The following ADGRV1 variants were observed in gnomAD, a reference collection of about 807,000 sequenced individuals.
ADGRV1 encodes the protein adhesion G protein-coupled receptor V1.
A neutral mutation model predicts 596.2 loss-of-function variants in ADGRV1; 359 were observed. The ratio of observed to expected loss-of-function variants is 0.60; its 90% CI spans 0.55 to 0.66. The LOEUF (loss-of-function observed/expected upper bound fraction) is 0.66, where lower values mean the gene tolerates loss of function less well. ADGRV1 is among the 30% of genes least tolerant of loss of function. ADGRV1 has a pLI of 0.00. For missense variants in ADGRV1, 7,274 were observed against 7,575.6 expected (o/e 0.96, Z 1.48); for synonymous variants, 2,681 against 2,679.2 (o/e 1.00, Z -0.02).
rs146531767 is a variant in ADGRV1, at chr5:90,742,911, A to G, written c.10550-2135A>G. On this transcript the variant is annotated intron_variant, in intron 50 of 89. Coordinates refer to ENST00000405460, the MANE Select transcript of ADGRV1 (RefSeq NM_032119.4). ...CTGGTGGGTGAATGGTAGTACTGTAACTTTTGTGGTGGTGATTGCTTGGGA... is the reference window on the plus strand; with the variant it reads ...CTGGTGGGTGAATGGTAGTACTGTAGCTTTTGTGGTGGTGATTGCTTGGGA... Among the ~76,000 whole-genome samples the G allele has an allele frequency of 6.6e-3, 1,009 of 152,232 alleles. 37 individuals are homozygous for G. The highest frequency in any genetic ancestry group is 0.049 in the Admixed American group (752 of 15,282).
chr5:90,614,699 T>G (rs986615583), intron 1 of ADGRV1, 136 bp from the exon 2 acceptor site: 2 of 729,378 alleles, frequency 2.7e-6, no homozygotes, highest in Admixed American at 4.0e-5. Context: ...GTTTGATGGC[T>G]TAATAGTAGA....
intron 83 of ADGRV1, among the ~76,000 whole-genome samples, chr5:90,910,855 T>A (rs1231866170): frequency 6.6e-6 from 1 of 152,140 alleles, no homozygotes; most frequent in South Asian, 2.1e-4. Context: ...TGTTGCTTCT[T>A]ACCAATGTGA....
At chr5:90,978,431 G>A (rs1413200751) in intron 84 of ADGRV1, among the ~76,000 whole-genome samples, 5 of 151,932 alleles carry the variant, frequency 3.3e-5, no homozygotes, top group East Asian at 1.9e-4. Context: ...TTAAAATTAT[G>A]GAGTCTTCTA....
rs1344017155 is a variant in ADGRV1 at position 90,643,891 on chromosome 5, T to C, written c.2642T>C (p.Leu881Pro). The C allele has an allele frequency of 6.2e-7, 1 of 1,611,956 alleles. No homozygotes were observed. The highest frequency in any genetic ancestry group is 1.7e-5 in the Admixed American group (1 of 59,778). ...GCCACCATTGTCAATATAACGATTC[T>C]GAAAAATGATGATCCTCATGGCATT... ...GSATIVNITI[L>P]KNDDPHGIIE... Residue 881 changes from leucine (L) to proline (P), a missense_variant, in exon 14 of 90, where the codon CTG (leucine) becomes CCG (proline). Leu to Pro is a moderately conservative substitution (Grantham distance 98). This residue lies in a region of ADGRV1 where 1,715 missense variants were observed against 1,708.8 expected (regional missense o/e 1.00). Transcript: ENST00000405460.
chr5:90,705,690 A>G, intron 37 of ADGRV1, 111 bp downstream of exon 37: 1 of 792,288 alleles, frequency 1.3e-6, no homozygotes, highest in Non-Finnish European at 2.0e-6. Context: ...GAAAATTAAT[A>G]TTTCTTCATT....
Position 91,150,004 on chromosome 5 carries a change from CTTTTCT to C in ADGRV1, c.18433-21_18433-16del. ...CTGATGTTCTTTTTCTTTTTCTTTT[CTTTTCT>C]TTTTTTTTTTTTTTTGCAGGGACTT... On this transcript the variant is annotated intron_variant, in intron 87 of 89. Transcript: ENST00000405460. The C allele has an allele frequency of 7.2e-7, 1 of 1,393,002 alleles. No homozygotes were observed. Among genetic ancestry groups the C allele is most frequent in the South Asian group, 1.4e-5 (1 of 69,728 alleles). 86.3% of individuals were successfully genotyped at this position (1,393,002 alleles called of 1,614,324 possible).
chr5:90,756,958 A>C, intron 56 of ADGRV1, 21 bp from the exon 57 acceptor site: 2 of 1,535,024 alleles, frequency 1.3e-6, no homozygotes, highest in Non-Finnish European at 1.8e-6. Flanking sequence ...CTTGCCTTTC[A>C]ATTATATTCT....
At position 90,712,293 on chromosome 5, in the gene ADGRV1, C is replaced by A; in HGVS notation, c.9049C>A (p.His3017Asn). The A allele has an allele frequency of 6.5e-7, 1 of 1,528,750 alleles. No homozygotes were observed. Among genetic ancestry groups the A allele is most frequent in the South Asian group, 1.2e-5 (1 of 80,780 alleles). 94.7% of individuals were successfully genotyped at this position (1,528,750 alleles called of 1,614,324 possible). A position where few individuals can be genotyped will look rare whatever the true frequency, so the allele number is the denominator to read the frequency against. The stretch of plus-strand genomic sequence containing the variant: ...CTTTTACCTTTTTGACCAGATTCTT[C>A]ATTTTGCTGATGGAGAAAGGTATAA... ...LDYIFTPMILHFADGERYKNV... is the reference protein window; with the variant it reads ...LDYIFTPMILNFADGERYKNV... Residue 3017 changes from histidine (H) to asparagine (N), a missense_variant, in exon 42 of 90, where the codon CAT (histidine) becomes AAT (asparagine). Transcript: ENST00000405460.
At chr5:90,650,939 T>C (rs1354357439) in intron 17 of ADGRV1, among the ~76,000 whole-genome samples, 1 of 152,138 alleles carries the variant, frequency 6.6e-6, no homozygotes, top group East Asian at 1.9e-4. Context: ...GTGCAACAGC[T>C]GGAGTAAAGA....
At chr5:90,815,522 T>C in intron 74 of ADGRV1, 97 bp from the exon 75 acceptor site, 1 of 628,402 alleles carries the variant, frequency 1.6e-6, no homozygotes, top group Non-Finnish European at 2.8e-6. Context: ...TGTGAATTTC[T>C]CACTTTTAAA....
At chr5:90,993,686 G>A (rs1042455074) in intron 85 of ADGRV1, among the ~76,000 whole-genome samples, 2 of 152,064 alleles carry the variant, frequency 1.3e-5, no homozygotes, top group East Asian at 1.9e-4. Context: ...CAAGTATCTC[G>A]TTGTCTTTGG....
At chr5:90,596,848 CGAGAGG>C (rs1272054971) in intron 1 of ADGRV1, among the ~76,000 whole-genome samples, 1 of 149,520 alleles carries the variant, frequency 6.7e-6, no homozygotes, top group Non-Finnish European at 1.5e-5. Context: ...AGAGGGAGAG[CGAGAGG>C]GAGAGGGAGA....
chr5:91,006,947 T>G (rs1311374627), intron 85 of ADGRV1, among the ~76,000 whole-genome samples: 4 of 152,122 alleles, frequency 2.6e-5, no homozygotes, highest in African/African-American at 9.7e-5. Context: ...GACTTCATGA[T>G]AAGTGGAAGT....
Position 90,808,808 on chromosome 5 carries a change from A to C in ADGRV1, c.14972+1071A>C, listed in dbSNP as rs1436096037. On this transcript the variant is annotated intron_variant, in intron 73 of 89. Transcript: ENST00000405460. ...CTACTTGGGAGGCTGAGGCAGGAGAATCGCTTGAGCCCAGGAGGCAGAGGT... is the reference window on the plus strand; with the variant it reads ...CTACTTGGGAGGCTGAGGCAGGAGACTCGCTTGAGCCCAGGAGGCAGAGGT... Among the ~76,000 whole-genome samples, 4 of 152,214 alleles carry C rather than the reference A, an allele frequency of 2.6e-5. No homozygotes were observed. In the East Asian group the frequency reaches 7.8e-4, roughly 30 times the overall value.
intron 52 of ADGRV1, among the ~76,000 whole-genome samples, chr5:90,750,263 A>C: frequency 6.6e-6 from 1 of 152,212 alleles, no homozygotes; most frequent in East Asian, 1.9e-4. Context: ...TATGAATGTA[A>C]TATATGTTCA....
At position 90,676,542 on chromosome 5, in the gene ADGRV1, G is replaced by A. The variant is rs562702518; in HGVS notation, c.5443+333G>A. Reference sequence around the variant, plus strand: ...CATAGTTTCACATTGATATGCTTTCGCTATGAGGTTTGGTTAATTCTGAGT... The same window carrying A: ...CATAGTTTCACATTGATATGCTTTCACTATGAGGTTTGGTTAATTCTGAGT... On this transcript the variant is annotated intron_variant, in intron 25 of 89. Coordinates refer to ENST00000405460, the MANE Select transcript of ADGRV1 (RefSeq NM_032119.4). Among the ~76,000 whole-genome samples the A allele has an allele frequency of 2.0e-5, 3 of 152,072 alleles. No individual in the cohort carries two copies. In the East Asian group the frequency reaches 5.8e-4, roughly 29 times the overall value.
At chr5:91,071,213 C>T (rs1221458962) in intron 85 of ADGRV1, among the ~76,000 whole-genome samples, 1 of 152,156 alleles carries the variant, frequency 6.6e-6, no homozygotes, top group African/African-American at 2.4e-5. Flanking sequence ...ACAATGGTCT[C>T]TGTGACCTTT....
intron 3 of ADGRV1, among the ~76,000 whole-genome samples, chr5:90,618,177 C>T (rs534334339): frequency 6.6e-6 from 1 of 152,164 alleles, no homozygotes; most frequent in Non-Finnish European, 1.5e-5. Context: ...ATCCATTCAG[C>T]TTACTCGGGA....
intron 83 of ADGRV1, among the ~76,000 whole-genome samples, chr5:90,936,080 C>T (rs185076635): frequency 6.6e-6 from 1 of 152,122 alleles, no homozygotes; most frequent in African/African-American, 2.4e-5. Context: ...TAATAAGTTA[C>T]CAGGATGCTT....
Sources: gnomAD v4.1 joint callset for allele counts (sites outside exome capture counted in the v4.1 genomes callset) on GRCh38, gnomAD v4.1.1 for gene constraint, gnomAD v4.1.1 regional missense constraint, MANE v1.5 for transcripts, NCBI Gene and HGNC (gene_info 2026-07-23, HGNC 2026-07-21) for gene names.